Variants in CHD5 observed in about 807,000 individuals in gnomAD.
CHD5 encodes ATP-dependent chromatin remodeler CHD5.
A neutral mutation model predicts 230.3 loss-of-function variants in CHD5; 69 were observed. That is an observed-to-expected ratio of 0.30 (90% CI 0.25 to 0.37). The LOEUF (loss-of-function observed/expected upper bound fraction) is 0.37. Ranked by LOEUF, CHD5 falls within the 10% of genes least tolerant of loss-of-function variation. The probability of loss-of-function intolerance (pLI) is 1.00; values close to 1 mark genes in which losing one functional copy is unlikely to be tolerated. For synonymous variants in CHD5, 1,064 were observed against 1,065.9 expected (o/e 1.00, Z 0.03); for missense variants, 1,827 against 2,622.8 (o/e 0.70, Z 6.63).
In CHD5 at chr1:6,149,082, G is replaced by A. The variant is rs1024478200; in HGVS notation, c.1162-7C>T. 1 of 1,508,258 alleles carries A rather than the reference G, an allele frequency of 6.6e-7. No homozygotes were observed. Among genetic ancestry groups the A allele is most frequent in the South Asian group, 1.3e-5 (1 of 76,460 alleles). 93.4% of individuals were successfully genotyped at this position (1,508,258 alleles called of 1,614,324 possible). A position where few individuals can be genotyped will look rare whatever the true frequency, so the allele number is the denominator to read the frequency against. On this transcript the variant is annotated splice_polypyrimidine_tract_variant and splice_region_variant and intron_variant, in intron 8 of 41. Transcript: ENST00000262450. The stretch of plus-strand genomic sequence containing the variant: ...ACTGGATCCCCTCCTTCTCCTGGGG[G>A]AGGAGGCCAGGTGGAGGCACCCTGG...
At chr1:6,178,420 G>A (rs1465790027) in intron 1 of CHD5, among the ~76,000 whole-genome samples, 1 of 152,152 alleles carries the variant, frequency 6.6e-6, no homozygotes, top group Non-Finnish European at 1.5e-5. Flanking sequence ...TCCCACAAAA[G>A]GGCCACACCC....
rs1459384351 is a variant in CHD5, at chr1:6,124,024, C to T, written c.4623G>A (p.Glu1541=). The stretch of plus-strand genomic sequence containing the variant: ...GTGTGTTGGGGTCCGAGGAGATCAC[C>T]TCGCCCGACTTCTTCCCCTCGGGCC... ...PEGPEGKKSG[E]VISSDPNTPV... is the part of the protein sequence containing the mutation. The change falls in exon 31 of 42, where the codon GAG becomes GAA. Residue 1541 remains glutamate, a synonymous_variant. Coordinates refer to ENST00000262450, the MANE Select transcript of CHD5 (RefSeq NM_015557.3). 9 of 1,612,960 alleles carry T rather than the reference C, an allele frequency of 5.6e-6. No individual in the cohort carries two copies. Among genetic ancestry groups the T allele is most frequent in the Middle Eastern group, 1.7e-4 (1 of 6,042 alleles).
intron 13 of CHD5, 22 bp downstream of exon 13, chr1:6,143,801 C>CA: frequency 1.3e-6 from 2 of 1,518,030 alleles, no homozygotes; most frequent in Non-Finnish European, 1.8e-6. Flanking sequence ...CCACCCACTG[C>CA]TGCCCCACCC....
At chr1:6,173,355 C>T (rs1033449723) in intron 1 of CHD5, among the ~76,000 whole-genome samples, 11 of 152,032 alleles carry the variant, frequency 7.2e-5, no homozygotes, top group African/African-American at 1.2e-4. Context: ...CCACCCGCCT[C>T]GGCCTCCCAA....
chr1:6,128,330 C>G lies in CHD5; in HGVS notation c.3731-112G>C, dbSNP rs1256889714. ...TTCCCATCCCCAGCAGGGGCTGCAGCTGAGAGGCATGGTGACCAGACAGAG... is the reference window on the plus strand; with the variant it reads ...TTCCCATCCCCAGCAGGGGCTGCAGGTGAGAGGCATGGTGACCAGACAGAG... On this transcript the variant is annotated intron_variant, in intron 24 of 41. Transcript: ENST00000262450. This position sits in a 1 kb window ranked among gnomAD's most constrained non-coding sequence, Gnocchi z 7.8. 5.0e-6 allele frequency: 6 copies of G among 1,208,934 alleles called. No individual in the cohort carries two copies. Among genetic ancestry groups the G allele is most frequent in the Non-Finnish European group, 7.1e-6 (6 of 848,830 alleles). 74.9% of individuals were successfully genotyped at this position (1,208,934 alleles called of 1,614,324 possible).
rs1455515581 is a variant in CHD5, at chr1:6,128,224, G to A, written c.3731-6C>T. 19 of 1,613,554 alleles carry A rather than the reference G, an allele frequency of 1.2e-5. No homozygotes were observed. The highest frequency in any genetic ancestry group is 1.6e-5 in the Non-Finnish European group (19 of 1,179,826). ...CTCCACGTCCTTGTTGTCACCTGGG[G>A]AGCAGGCAAATGCAGTGTGAGGACA... On this transcript the variant is annotated splice_polypyrimidine_tract_variant and splice_region_variant and intron_variant, in intron 24 of 41. Coordinates refer to ENST00000262450, the MANE Select transcript of CHD5 (RefSeq NM_015557.3). This position sits in a 1 kb window ranked among gnomAD's most constrained non-coding sequence, Gnocchi z 7.8.
At chr1:6,107,717 GAT>G in intron 38 of CHD5, among the ~76,000 whole-genome samples, 1 of 93,914 alleles carries the variant, frequency 1.1e-5, no homozygotes, top group Non-Finnish European at 2.0e-5. Flanking sequence ...GAGATGGAGG[GAT>G]GATGGAGGGA....
chr1:6,165,847 T>TC (rs911404746), intron 2 of CHD5, among the ~76,000 whole-genome samples: 4 of 151,942 alleles, frequency 2.6e-5, no homozygotes, highest in Non-Finnish European at 5.9e-5. Context: ...GCTTCCCCTG[T>TC]CCTATCTCCA....
chr1:6,141,292 T>A (rs1277996700), intron 15 of CHD5, among the ~76,000 whole-genome samples: 1 of 147,614 alleles, frequency 6.8e-6, no homozygotes, highest in Admixed American at 6.8e-5. Context: ...CTCAAAAAAA[T>A]AATAATAATA....
chr1:6,101,964 G>A lies in CHD5; in HGVS notation c.*3510C>T. On this transcript the variant is annotated 3_prime_UTR_variant, in exon 42 of 42. Transcript: ENST00000262450. ...CCAAAGCTGGACCCGCCCCCGCCGG[G>A]GCCACCCTGGCTGGGACTCCTGGCG... 2.4e-6 allele frequency: 1 copy of A among 420,648 alleles called. No individual in the cohort carries two copies. The highest frequency in any genetic ancestry group is 4.8e-6 in the Non-Finnish European group (1 of 207,896). 26.1% of individuals were successfully genotyped at this position (420,648 alleles called of 1,614,324 possible). A position where few individuals can be genotyped will look rare whatever the true frequency, so the allele number is the denominator to read the frequency against.
chr1:6,121,112 C>A lies in CHD5; in HGVS notation c.4905G>T (p.Leu1635=). 6.3e-7 allele frequency: 1 copy of A among 1,598,214 alleles called. No individual in the cohort carries two copies. Among genetic ancestry groups the A allele is most frequent in the Non-Finnish European group, 8.5e-7 (1 of 1,173,452 alleles). The change falls in exon 33 of 42, where the codon CTG becomes CTT. Residue 1635 remains leucine (L), a synonymous_variant. Transcript: ENST00000262450. This position sits in a 1 kb window ranked among gnomAD's most constrained non-coding sequence, Gnocchi z 4.5. ...CCTGCAAGAAGCCCCAACCTCTCGG[C>A]AGCTGCTCCGGGGAGGGCGGGGCCT... The part of the protein sequence containing the change: ...TEKAPPSPEQ[L]PREEVLPEKE...
chr1:6,131,667 C>T lies in CHD5; in HGVS notation c.3226G>A (p.Gly1076Arg). 4.3e-6 allele frequency: 7 copies of T among 1,612,726 alleles called. No individual in the cohort carries two copies. The highest frequency in any genetic ancestry group is 5.9e-6 in the Non-Finnish European group (7 of 1,178,808). ...KYERIDGGIT[G>R]GLRQEAIDRF... ...TCGATTGCCTCCTGCCGGAGGCCCC[C>T]GGTGATGCCACCATCAATCCGCTCA... The change falls in exon 21 of 42, where the codon GGG becomes AGG. Residue 1076 changes from glycine to arginine, a missense_variant. Gly to Arg is a moderately radical substitution (Grantham distance 125, BLOSUM62 -2). Coordinates refer to ENST00000262450, the MANE Select transcript of CHD5 (RefSeq NM_015557.3). This position sits in a 1 kb window ranked among gnomAD's most constrained non-coding sequence, Gnocchi z 5.0.
intron 33 of CHD5, among the ~76,000 whole-genome samples, chr1:6,116,488 T>C (rs1666380489): frequency 6.6e-6 from 1 of 152,154 alleles, no homozygotes; most frequent in South Asian, 2.1e-4. Context: ...ATACCCTCCA[T>C]TGTAGTGAAG....
At chr1:6,150,532 G>A (rs933909816) in intron 7 of CHD5, among the ~76,000 whole-genome samples, 1 of 151,488 alleles carries the variant, frequency 6.6e-6, no homozygotes, top group Non-Finnish European at 1.5e-5. Context: ...ATGGTGGATG[G>A]ATAGCTGACG....
intron 33 of CHD5, among the ~76,000 whole-genome samples, chr1:6,115,479 C>A (rs143906382): frequency 6.6e-6 from 1 of 152,262 alleles, no homozygotes; most frequent in African/African-American, 2.4e-5. Flanking sequence ...CCTGACCACA[C>A]GAGCCCTTTT....
rs4908780 is a variant in CHD5, at chr1:6,110,639, C to A, written c.5250-113G>T. 2.7e-6 allele frequency: 3 copies of A among 1,110,780 alleles called. No individual in the cohort carries two copies. The Admixed American group carries it at 6.5e-5, about 24-fold the overall frequency. 68.8% of individuals were successfully genotyped at this position (1,110,780 alleles called of 1,614,324 possible). A position where few individuals can be genotyped will look rare whatever the true frequency, so the allele number is the denominator to read the frequency against. On this transcript the variant is annotated intron_variant, in intron 36 of 41. Coordinates refer to ENST00000262450, the MANE Select transcript of CHD5 (RefSeq NM_015557.3). ...CCCGGGGGTCGGCATTCTGGCTGTACGCTCTCAGGCAAGTCCTTAAGCCCA... is the reference window on the plus strand; with the variant it reads ...CCCGGGGGTCGGCATTCTGGCTGTAAGCTCTCAGGCAAGTCCTTAAGCCCA...
intron 17 of CHD5, among the ~76,000 whole-genome samples, chr1:6,135,718 G>C (rs879332068): frequency 1.1e-4 from 16 of 152,132 alleles, no homozygotes; most frequent in Non-Finnish European, 2.2e-4. Context: ...GCCAAAACCG[G>C]CCCTCAAATC....
At position 6,134,194 on chromosome 1, in the gene CHD5, G is replaced by A; in HGVS notation, c.3078C>T (p.Leu1026=). Residue 1026 remains leucine, a synonymous_variant, in exon 20 of 42, where the codon CTC becomes CTT. Coordinates refer to ENST00000262450, the MANE Select transcript of CHD5 (RefSeq NM_015557.3). The surrounding 1 kb of genome is among the most constrained non-coding windows in gnomAD (Gnocchi z 6.3). ...TCTTCAGCATCTTCTGTAGCAGCAT[G>A]AGCTTCCCTGAAGACTTGACCAGGG... ...GSSLVKSSGK[L]MLLQKMLKKL... is the part of the protein sequence containing the mutation. The A allele has an allele frequency of 6.2e-7, 1 of 1,613,912 alleles. No individual in the cohort carries two copies. Among genetic ancestry groups the A allele is most frequent in the Non-Finnish European group, 8.5e-7 (1 of 1,179,978 alleles).
In CHD5 at chr1:6,128,659, G is replaced by C. The variant is rs375548134; in HGVS notation, c.3620-50C>G. ...TGGTGCAGGACCACAGAGGGCTGCA[G>C]GGTTGGCGGGCAGTGCCCAGAGACA... On this transcript the variant is annotated intron_variant, in intron 23 of 41. Transcript: ENST00000262450. The surrounding 1 kb of genome is among the most constrained non-coding windows in gnomAD (Gnocchi z 7.8). 6.7e-7 allele frequency: 1 copy of C among 1,492,388 alleles called. No individual in the cohort carries two copies. The highest frequency in any genetic ancestry group is 9.3e-7 in the Non-Finnish European group (1 of 1,074,004). 92.4% of individuals were successfully genotyped at this position (1,492,388 alleles called of 1,614,324 possible). A position where few individuals can be genotyped will look rare whatever the true frequency, so the allele number is the denominator to read the frequency against.
Sources: allele counts gnomAD v4.1 joint callset (sites outside exome capture counted in the v4.1 genomes callset), GRCh38; gene constraint gnomAD v4.1.1; non-coding constraint Gnocchi (gnomAD v3.1); transcripts MANE v1.5; gene names NCBI Gene and HGNC (gene_info 2026-07-23, HGNC 2026-07-21).